Variants in UBE2G1 observed in about 807,000 individuals in gnomAD.
UBE2G1 encodes ubiquitin conjugating enzyme E2 G1.
UBE2G1 carries 5 observed loss-of-function variants against 22.7 expected under a neutral mutation model. That is an observed-to-expected ratio of 0.22 (90% CI 0.12 to 0.46). The LOEUF (loss-of-function observed/expected upper bound fraction) is 0.46. Among genes scored for constraint, UBE2G1 ranks in the 20% least tolerant of loss-of-function variants. The pLI, the probability that UBE2G1 is intolerant of heterozygous loss-of-function variation, is 0.99. For missense variants in UBE2G1, 88 were observed against 203.9 expected, an observed-to-expected ratio of 0.43 and a Z score of 3.46; for synonymous variants, 74 against 67.5, an observed-to-expected ratio of 1.10 and a Z score of -0.47.
At chr17:4,326,180 T>C (rs1443892351) in intron 1 of UBE2G1, among the ~76,000 whole-genome samples, 1 of 152,076 alleles carries the variant, frequency 6.6e-6, no homozygotes. Context: ...AAAAATATTG[T>C]AAATCACCTA....
chr17:4,301,638 A>T, intron 2 of UBE2G1: 9 of 894,774 alleles, frequency 1.0e-5, no homozygotes, highest in Non-Finnish European at 1.7e-5. Flanking sequence ...AATTACTTTT[A>T]GCTGTTTTAT....
At chr17:4,352,915 A>C (rs1464996092) in intron 1 of UBE2G1, among the ~76,000 whole-genome samples, 1 of 152,120 alleles carries the variant, frequency 6.6e-6, no homozygotes, top group Non-Finnish European at 1.5e-5. Context: ...TCTCTACTAA[A>C]ATACAAAAAT....
intron 3 of UBE2G1, among the ~76,000 whole-genome samples, chr17:4,293,920 A>G (rs1309576937): frequency 1.3e-5 from 2 of 152,220 alleles, no homozygotes; most frequent in African/African-American, 4.8e-5. Context: ...CCTCCCTGCT[A>G]TCTCTCTGAC....
At chr17:4,331,582 G>T (rs1010439665) in intron 1 of UBE2G1, among the ~76,000 whole-genome samples, 23 of 152,248 alleles carry the variant, frequency 1.5e-4, no homozygotes, top group African/African-American at 5.5e-4. Context: ...GTCAGTGCGG[G>T]CACATGTGCT....
chr17:4,359,907 A>G (rs1425097996), intron 1 of UBE2G1, among the ~76,000 whole-genome samples: 1 of 152,112 alleles, frequency 6.6e-6, no homozygotes, highest in Non-Finnish European at 1.5e-5. Flanking sequence ...AATTAGCCCA[A>G]TACTATCTTG....
Position 4,312,265 on chromosome 17 carries a change from C to T in UBE2G1, c.47-5142G>A, listed in dbSNP as rs533199075. Among the ~76,000 whole-genome samples the T allele has an allele frequency of 2.2e-4, 33 of 151,416 alleles. 1 individual carries two copies. The highest frequency in any genetic ancestry group is 6.8e-4 in the African/African-American group (28 of 41,242). On this transcript the variant is annotated intron_variant, in intron 1 of 5. Transcript: ENST00000396981. ...AGAAAGAAAAAAAAATCTGAGCTGA[C>T]GATAGAGACTTCAGGGTTATCAGAA...
At chr17:4,362,244 C>G (rs545320302) in intron 1 of UBE2G1, among the ~76,000 whole-genome samples, 5 of 152,294 alleles carry the variant, frequency 3.3e-5, no homozygotes, top group African/African-American at 1.2e-4. Flanking sequence ...CACAACCTAT[C>G]TGATTTCATG....
intron 1 of UBE2G1, among the ~76,000 whole-genome samples, chr17:4,339,280 T>C (rs1353099970): frequency 6.6e-6 from 1 of 151,936 alleles, no homozygotes; most frequent in Admixed American, 6.6e-5. Flanking sequence ...GGAGCCTCAA[T>C]GTGTGGGTTC....
chr17:4,359,321 G>T (rs1277458898), intron 1 of UBE2G1, among the ~76,000 whole-genome samples: 1 of 152,060 alleles, frequency 6.6e-6, no homozygotes, highest in Admixed American at 6.6e-5. Flanking sequence ...CAATAGAAGA[G>T]TAAATAAGAA....
At chr17:4,298,900 G>A (rs1431247215) in intron 2 of UBE2G1, among the ~76,000 whole-genome samples, 1 of 152,166 alleles carries the variant, frequency 6.6e-6, no homozygotes, top group Non-Finnish European at 1.5e-5. Flanking sequence ...AAGCATGAGG[G>A]CTTGAGGGAA....
intron 5 of UBE2G1, among the ~76,000 whole-genome samples, chr17:4,274,081 C>T (rs921058641): frequency 6.6e-6 from 1 of 151,348 alleles, no homozygotes; most frequent in African/African-American, 2.4e-5. Context: ...CCCTGGTTCA[C>T]GCCATTCTCC....
At chr17:4,359,246 C>T (rs1398611729) in intron 1 of UBE2G1, among the ~76,000 whole-genome samples, 1 of 152,072 alleles carries the variant, frequency 6.6e-6, no homozygotes, top group Non-Finnish European at 1.5e-5. Flanking sequence ...AGCAAACAAA[C>T]AACAAACAGC....
Position 4,277,212 on chromosome 17 carries a change from C to T in UBE2G1, c.*38-4696G>A, listed in dbSNP as rs140097481. On this transcript the variant is annotated intron_variant, in intron 5 of 5. Transcript: ENST00000396981. Reference sequence around the variant, plus strand: ...AACAGGCAGTGAGGAGGAACTCAGTCGTGCCTGGAACCAGATGCACCCCAG... The same window carrying T: ...AACAGGCAGTGAGGAGGAACTCAGTTGTGCCTGGAACCAGATGCACCCCAG... Among the ~76,000 whole-genome samples, 27 of 152,264 alleles carry T rather than the reference C, an allele frequency of 1.8e-4. No individual in the cohort carries two copies. In the East Asian group the frequency reaches 4.6e-3, roughly 26 times the overall value.
intron 1 of UBE2G1, among the ~76,000 whole-genome samples, chr17:4,307,378 C>T (rs1160824070): frequency 6.6e-6 from 1 of 152,120 alleles, no homozygotes; most frequent in Non-Finnish European, 1.5e-5. Context: ...CTAAGTGGCC[C>T]TACAGTGGTC....
chr17:4,347,421 C>CA (rs1969789673), intron 1 of UBE2G1, among the ~76,000 whole-genome samples: 1 of 148,508 alleles, frequency 6.7e-6, no homozygotes, highest in African/African-American at 2.5e-5. Context: ...ATCATGTGCT[C>CA]ACTTGATGTC....
At chr17:4,348,572 T>C (rs1311409177) in intron 1 of UBE2G1, among the ~76,000 whole-genome samples, 21 of 119,624 alleles carry the variant, frequency 1.8e-4, no homozygotes, top group Admixed American at 1.7e-3. Context: ...AAAAAAAAAA[T>C]TAAAGAACAG....
chr17:4,312,468 A>T (rs1446633537), intron 1 of UBE2G1, among the ~76,000 whole-genome samples: 2 of 152,044 alleles, frequency 1.3e-5, no homozygotes, highest in African/African-American at 4.8e-5. Flanking sequence ...AGGCCGAGGC[A>T]GGCGGATCAC....
chr17:4,356,827 A>C (rs74390083), intron 1 of UBE2G1, among the ~76,000 whole-genome samples: 2,615 of 152,350 alleles, frequency 0.017, 71 homozygotes, highest in African/African-American at 0.06. Context: ...TTATAACTAC[A>C]AATATTAAGT....
At chr17:4,363,950 CAAAAAAAAAAAAAAA>C (rs1195720643) in intron 1 of UBE2G1, among the ~76,000 whole-genome samples, 158 of 43,908 alleles carry the variant, frequency 3.6e-3, no homozygotes, top group African/African-American at 0.013. Context: ...GACTCCGTCT[CAAAAAAAAAAAAAAA>C]AAAAAAAAAA....
Sources: allele counts gnomAD v4.1 joint callset (sites outside exome capture counted in the v4.1 genomes callset), GRCh38; gene constraint gnomAD v4.1.1; transcripts MANE v1.5; gene names NCBI Gene and HGNC (gene_info 2026-07-23, HGNC 2026-07-21).